The following UGT2B7 variants were observed in gnomAD, a reference collection of about 807,000 sequenced individuals.
The protein encoded by UGT2B7 is UDP-glucuronosyltransferase 2B7.
Under a neutral mutation model 51.9 loss-of-function variants are expected in UGT2B7, and 51 were observed. The observed-to-expected ratio is 0.98, with a 90% confidence interval of 0.78 to 1.24. The LOEUF is 1.24. UGT2B7 is among the 50% of genes most tolerant of loss of function. The probability of loss-of-function intolerance (pLI) is 0.00; values close to 1 mark genes in which losing one functional copy is unlikely to be tolerated. For synonymous variants in UGT2B7, 225 were observed against 211.6 expected, an observed-to-expected ratio of 1.06 and a Z score of -0.55; for missense variants, 727 against 628.4, an observed-to-expected ratio of 1.16 and a Z score of -1.68.
At chr4:69,068,887 C>A (rs1260774155) in intron 1 of UGT2B7, among the ~76,000 whole-genome samples, 1 of 151,794 alleles carries the variant, frequency 6.6e-6, no homozygotes, top group African/African-American at 2.4e-5. Context: ...ACTACAATGC[C>A]TCAAAGTAAA....
At chr4:69,097,514 C>A (rs1392256054) in intron 1 of UGT2B7, among the ~76,000 whole-genome samples, 3 of 152,088 alleles carry the variant, frequency 2.0e-5, no homozygotes, top group Non-Finnish European at 2.9e-5. Flanking sequence ...AATTACACAT[C>A]TGTTTTACTA....
intron 1 of UGT2B7, among the ~76,000 whole-genome samples, chr4:69,054,008 G>A (rs1288941255): frequency 1.3e-5 from 2 of 152,136 alleles, no homozygotes; most frequent in Non-Finnish European, 2.9e-5. Context: ...GCCCCGCAAG[G>A]AATACCAGAT....
chr4:69,111,506 A>G (rs1719772969), intron 5 of UGT2B7, among the ~76,000 whole-genome samples: 2 of 152,314 alleles, frequency 1.3e-5, no homozygotes, highest in South Asian at 4.1e-4. Flanking sequence ...TCTTTCTCAT[A>G]GCACTTAAAA....
chr4:69,073,025 G>C (rs4694607), intron 1 of UGT2B7, among the ~76,000 whole-genome samples: 65,124 of 151,816 alleles, frequency 0.43, 15,513 homozygotes, highest in African/African-American at 0.64. Flanking sequence ...TGGCCCACTG[G>C]GTTCTCCACC....
At chr4:69,104,984 T>A (rs66698711) in intron 3 of UGT2B7, among the ~76,000 whole-genome samples, 27,966 of 151,892 alleles carry the variant, frequency 0.18, 2,938 homozygotes, top group Admixed American at 0.28. Flanking sequence ...CAGACAACTA[T>A]CCCAAGTACC....
chr4:69,073,171 C>T (rs1233011454), intron 1 of UGT2B7, among the ~76,000 whole-genome samples: 1 of 152,122 alleles, frequency 6.6e-6, no homozygotes, highest in African/African-American at 2.4e-5. Context: ...CATGAATACC[C>T]TTAGCCTATC....
chr4:69,079,048 G>C (rs1238008367), intron 1 of UGT2B7, among the ~76,000 whole-genome samples: 1 of 152,174 alleles, frequency 6.6e-6, no homozygotes, highest in Non-Finnish European at 1.5e-5. Context: ...ATGCTCTGCT[G>C]TTCAGGTGTT....
intron 1 of UGT2B7, among the ~76,000 whole-genome samples, chr4:69,078,673 C>G (rs1348163326): frequency 6.6e-6 from 1 of 152,080 alleles, no homozygotes; most frequent in Non-Finnish European, 1.5e-5. Context: ...AGTTGGCACA[C>G]AAAACCATAC....
chr4:69,099,220 T>C (rs986045609), intron 2 of UGT2B7, among the ~76,000 whole-genome samples: 6 of 135,196 alleles, frequency 4.4e-5, no homozygotes, highest in Non-Finnish European at 1.5e-5. Flanking sequence ...CTGAACAATA[T>C]GCAGGAATAG....
chr4:69,110,702 T>A (rs1372905811), intron 5 of UGT2B7, among the ~76,000 whole-genome samples: 1 of 152,096 alleles, frequency 6.6e-6, no homozygotes, highest in East Asian at 1.9e-4. Context: ...GTCAGGCTAA[T>A]CCTTAGTTGG....
intron 2 of UGT2B7, among the ~76,000 whole-genome samples, chr4:69,090,944 C>A (rs536986939): frequency 6.6e-6 from 1 of 152,200 alleles, no homozygotes; most frequent in East Asian, 1.9e-4. Flanking sequence ...GGTCTTCATT[C>A]CAAATTAACT....
Position 69,054,675 on chromosome 4 carries a change from T to C in UGT2B7, c.-159+3073T>C, listed in dbSNP as rs148276565. 4.1e-3 allele frequency among the ~76,000 whole-genome samples: 624 copies of C among 151,302 alleles called. 2 individuals are homozygous for C. The highest frequency in any genetic ancestry group is 0.01 in the African/African-American group (412 of 41,182). On this transcript the variant is annotated intron_variant, in intron 1 of 5. Transcript: ENST00000502942. ...CAGTAGACTAGGAGTTGTATGTAGA[T>C]AGGAGCAGCGTCACCAACCCCTGCA...
chr4:69,097,116 C>A lies in UGT2B7; in HGVS notation c.596C>A (p.Ser199Ter). 4 of 1,613,608 alleles carry A rather than the reference C, an allele frequency of 2.5e-6. No individual in the cohort carries two copies. The highest frequency in any genetic ancestry group is 3.4e-6 in the Non-Finnish European group (4 of 1,179,688). ...FPPSYVPVVM[S>*]ELTDQMTFME... ...CCTTCCTACGTACCTGTTGTTATGT[C>A]AGAATTAACTGATCAAATGACTTTC... The change falls in exon 1 of 6, where the codon TCA (serine) becomes TAA (stop). Residue 199 changes from serine (S) to a stop codon, truncating the protein, a stop_gained. Transcript: ENST00000305231. LOFTEE classifies it high-confidence loss of function.
At chr4:69,094,244 A>G (rs1263999490), upstream of UGT2B7, among the ~76,000 whole-genome samples, 2 of 53,576 alleles carry the variant, frequency 3.7e-5, 1 homozygote, top group Non-Finnish European at 5.9e-5. Flanking sequence ...GGTTCATGCC[A>G]TTCTCCTGCC....
chr4:69,093,075 A>C (rs1393921554), upstream of UGT2B7, among the ~76,000 whole-genome samples: 1 of 152,202 alleles, frequency 6.6e-6, no homozygotes, highest in Non-Finnish European at 1.5e-5. Flanking sequence ...CCAAACAGCA[A>C]AGATGGCGGC....
intron 3 of UGT2B7, among the ~76,000 whole-genome samples, chr4:69,104,141 C>T (rs6600888): frequency 0.59 from 90,002 of 151,874 alleles, 28,034 homozygotes; most frequent in African/African-American, 0.77. Flanking sequence ...GAAAAAATTA[C>T]ACAGGCATGT....
At chr4:69,080,875 A>G (rs1577914607) in intron 1 of UGT2B7, among the ~76,000 whole-genome samples, 1 of 152,154 alleles carries the variant, frequency 6.6e-6, no homozygotes, top group Admixed American at 6.6e-5. Flanking sequence ...ACTACATCAC[A>G]TTCTCTTTTA....
At chr4:69,100,127 T>C (rs978335394) in intron 2 of UGT2B7, among the ~76,000 whole-genome samples, 4 of 152,026 alleles carry the variant, frequency 2.6e-5, no homozygotes, top group African/African-American at 9.7e-5. Context: ...ACATACCCTA[T>C]GAGAGCAGAT....
intron 1 of UGT2B7, among the ~76,000 whole-genome samples, chr4:69,080,368 TA>T (rs1435847129): frequency 6.6e-6 from 1 of 151,868 alleles, no homozygotes; most frequent in Non-Finnish European, 1.5e-5. Flanking sequence ...GACAATGCGG[TA>T]AAACTCCGTC....
Sources: gnomAD v4.1 joint callset for allele counts (sites outside exome capture counted in the v4.1 genomes callset) on GRCh38, gnomAD v4.1.1 for gene constraint, MANE v1.5 for transcripts, NCBI Gene and HGNC (gene_info 2026-07-23, HGNC 2026-07-21) for gene names.